Variants in SEPTIN11 observed in about 807,000 individuals in gnomAD.
The protein encoded by SEPTIN11 is septin-11.
Under a neutral mutation model 51.4 loss-of-function variants are expected in SEPTIN11, and 25 were observed. The observed-to-expected ratio is 0.49, with a 90% CI of 0.35 to 0.68. The LOEUF (loss-of-function observed/expected upper bound fraction) is 0.68, where lower values mean the gene tolerates loss of function less well. Among genes scored for constraint, SEPTIN11 ranks in the 30% least tolerant of loss-of-function variants. The pLI is 0.00. For synonymous variants in SEPTIN11, 174 were observed against 184.1 expected (o/e 0.95, Z 0.44); for missense variants, 381 against 520.8 (o/e 0.73, Z 2.61).
intron 7 of SEPTIN11, among the ~76,000 whole-genome samples, chr4:77,025,035 T>A (rs950748169): frequency 1.3e-5 from 2 of 152,174 alleles, no homozygotes; most frequent in African/African-American, 2.4e-5. Flanking sequence ...AAGGATGAAC[T>A]GAAGTGTCTG....
chr4:77,038,535 AGT>A lies in SEPTIN11; in HGVS notation c.*4025_*4026del. The A allele has an allele frequency of 2.0e-6, 2 of 986,180 alleles. No individual in the cohort carries two copies. Among genetic ancestry groups the A allele is most frequent in the Non-Finnish European group, 2.4e-6 (2 of 830,150 alleles). The allele number at this position is 986,180 out of a possible 1,614,324, so 61.1% of individuals were successfully genotyped here. On this transcript the variant is annotated 3_prime_UTR_variant, in exon 10 of 10. Transcript: ENST00000264893. ...AATTTGGCATCTGTTAAGGTAGGAGAGTGGTGAACAGATAATCTATGCATATA... is the reference window on the plus strand; with the variant it reads ...AATTTGGCATCTGTTAAGGTAGGAGAGGTGAACAGATAATCTATGCATATA...
intron 3 of SEPTIN11, among the ~76,000 whole-genome samples, chr4:77,006,954 G>A (rs1332502694): frequency 6.6e-6 from 1 of 152,154 alleles, no homozygotes; most frequent in Non-Finnish European, 1.5e-5. Flanking sequence ...AGTAGACATT[G>A]TCCCGTGATA....
intron 2 of SEPTIN11, among the ~76,000 whole-genome samples, chr4:76,999,356 T>A (rs958788818): frequency 6.6e-6 from 1 of 152,204 alleles, no homozygotes; most frequent in African/African-American, 2.4e-5. Flanking sequence ...AAAAAGTAGA[T>A]CAAAATATTT....
chr4:76,989,093 G>A (rs1287658336), intron 1 of SEPTIN11, among the ~76,000 whole-genome samples: 1 of 152,136 alleles, frequency 6.6e-6, no homozygotes, highest in Non-Finnish European at 1.5e-5. Flanking sequence ...AAGAACCAGA[G>A]ACTTTGTTTA....
chr4:77,037,306 G>T lies in SEPTIN11; in HGVS notation c.*2794G>T. The T allele has an allele frequency of 2.2e-6, 2 of 889,112 alleles. No individual in the cohort carries two copies. The highest frequency in any genetic ancestry group is 2.4e-4 in the East Asian group (2 of 8,402). 55.1% of individuals were successfully genotyped at this position (889,112 alleles called of 1,614,324 possible). ...GAACTTGGGAGATGGAGGTTGCAGT[G>T]AGCCAAGATTGCACCACTGCATTCC... On this transcript the variant is annotated 3_prime_UTR_variant, in exon 10 of 10. Transcript: ENST00000264893.
In SEPTIN11 at chr4:77,037,784, G is replaced by A; in HGVS notation, c.*3272G>A. 1 of 985,804 alleles carries A rather than the reference G, an allele frequency of 1.0e-6. No individual in the cohort carries two copies. Among genetic ancestry groups the A allele is most frequent in the South Asian group, 4.7e-5 (1 of 21,286 alleles). 61.1% of individuals were successfully genotyped at this position (985,804 alleles called of 1,614,324 possible). A position where few individuals can be genotyped will look rare whatever the true frequency, so the allele number is the denominator to read the frequency against. On this transcript the variant is annotated 3_prime_UTR_variant, in exon 10 of 10. Transcript: ENST00000264893. ...GTTCAGATTGTGTTTTCCCAACTTAGGCTCTTTATTAATTGGTTAAGGTTT... is the reference window on the plus strand; with the variant it reads ...GTTCAGATTGTGTTTTCCCAACTTAAGCTCTTTATTAATTGGTTAAGGTTT...
At chr4:77,028,042 T>C (rs979816218) in intron 7 of SEPTIN11, among the ~76,000 whole-genome samples, 3 of 152,160 alleles carry the variant, frequency 2.0e-5, no homozygotes, top group African/African-American at 7.2e-5. Context: ...ATTTTCCACA[T>C]TGGGGGCTGG....
intron 1 of SEPTIN11, among the ~76,000 whole-genome samples, chr4:76,978,886 A>C (rs1722626756): frequency 6.6e-6 from 1 of 152,136 alleles, no homozygotes; most frequent in Non-Finnish European, 1.5e-5. Context: ...TGGAGTATTG[A>C]CATCCCTTTT....
intron 1 of SEPTIN11, among the ~76,000 whole-genome samples, chr4:76,989,105 A>G (rs912454940): frequency 2.6e-5 from 4 of 152,248 alleles, no homozygotes; most frequent in African/African-American, 9.6e-5. Context: ...CTTTGTTTAG[A>G]GGTAATTTGA....
chr4:77,027,673 T>A (rs1043752868), intron 7 of SEPTIN11, among the ~76,000 whole-genome samples: 1 of 152,216 alleles, frequency 6.6e-6, no homozygotes, highest in African/African-American at 2.4e-5. Context: ...ATGGTTAATA[T>A]ACAACAATTG....
rs1455484896 is a variant in SEPTIN11 at position 77,031,025 on chromosome 4, C to T, written c.1274+55C>T. The T allele has an allele frequency of 4.7e-6, 7 of 1,477,738 alleles. No homozygotes were observed. In the African/African-American group the frequency reaches 8.6e-5, roughly 18 times the overall value. The allele number at this position is 1,477,738 out of a possible 1,614,324, so 91.5% of individuals were successfully genotyped here. On this transcript the variant is annotated intron_variant, in intron 9 of 9. Coordinates refer to ENST00000264893, the MANE Select transcript of SEPTIN11 (RefSeq NM_018243.4). ...GACCTCTAACAATTTATTCCTCTTG[C>T]ATGTCTCTACTTTTCCCATTTACAG...
intron 1 of SEPTIN11, among the ~76,000 whole-genome samples, chr4:76,970,699 A>G (rs1033447405): frequency 1.3e-5 from 2 of 152,238 alleles, no homozygotes; most frequent in Non-Finnish European, 2.9e-5. Flanking sequence ...TGGATTGGAC[A>G]GAGTGTAATA....
chr4:77,025,638 T>A (rs1726071673), intron 7 of SEPTIN11, among the ~76,000 whole-genome samples: 1 of 152,064 alleles, frequency 6.6e-6, no homozygotes, highest in Admixed American at 6.5e-5. Flanking sequence ...GAAATATTAG[T>A]GAGGGCTTGT....
chr4:76,969,044 T>C (rs1223704255), intron 1 of SEPTIN11, among the ~76,000 whole-genome samples: 1 of 152,204 alleles, frequency 6.6e-6, no homozygotes, highest in African/African-American at 2.4e-5. Context: ...TCCCACATGT[T>C]ATGTTTGGCT....
In SEPTIN11 at chr4:76,996,382, C is replaced by A. The variant is rs10006616; in HGVS notation, c.28-43C>A. 2.4e-3 allele frequency: 3,104 copies of A among 1,310,824 alleles called. 51 individuals carry two copies. In the African/African-American group the frequency reaches 0.037, roughly 16 times the overall value. 81.2% of individuals were successfully genotyped at this position (1,310,824 alleles called of 1,614,324 possible). On this transcript the variant is annotated intron_variant, in intron 1 of 9. Coordinates refer to ENST00000264893, the MANE Select transcript of SEPTIN11 (RefSeq NM_018243.4). ...TTTGTGATATGTGATATCCAGGTGG[C>A]ATGGTTCATGGACACTCAAATCTTT...
Position 77,036,216 on chromosome 4 carries a change from A to G in SEPTIN11, c.*1704A>G. ...GGAATAGAAACTACACACTAGACAC[A>G]GCAGTAGTCATAGTCTTCACAGGTT... On this transcript the variant is annotated 3_prime_UTR_variant, in exon 10 of 10. Transcript: ENST00000264893. 1 of 998,664 alleles carries G rather than the reference A, an allele frequency of 1.0e-6. No homozygotes were observed. 61.9% of individuals were successfully genotyped at this position (998,664 alleles called of 1,614,324 possible).
In SEPTIN11 at chr4:77,019,209, G is replaced by A. The variant is rs775017065; in HGVS notation, c.732G>A (p.Lys244=). The change falls in exon 6 of 10, where the codon AAG becomes AAA. Residue 244 remains lysine, a synonymous_variant. Transcript: ENST00000264893. ...FAVVGSTEEV[K]IGNKMAKARQ... ...TGGTTGGCAGCACCGAAGAGGTGAA[G>A]ATTGGCAACAAGATGGCAAAGGCCA... is the stretch of plus-strand genomic sequence containing the variant. 7.4e-6 allele frequency: 12 copies of A among 1,613,806 alleles called. No individual in the cohort carries two copies. The Admixed American group carries it at 1.8e-4, about 25-fold the overall frequency.
chr4:76,951,687 G>A (rs1721356923), intron 1 of SEPTIN11, among the ~76,000 whole-genome samples: 1 of 152,214 alleles, frequency 6.6e-6, no homozygotes, highest in Admixed American at 6.5e-5. Context: ...TATTGCTGGT[G>A]CATTCTTGAG....
At chr4:76,999,624 C>T (rs550337592) in intron 2 of SEPTIN11, among the ~76,000 whole-genome samples, 3 of 152,150 alleles carry the variant, frequency 2.0e-5, no homozygotes, top group East Asian at 1.9e-4. Flanking sequence ...TGTTTTGTGG[C>T]GTGAACCTGT....
Sources: allele counts gnomAD v4.1 joint callset (sites outside exome capture counted in the v4.1 genomes callset), GRCh38; gene constraint gnomAD v4.1.1; transcripts MANE v1.5; gene names NCBI Gene and HGNC (gene_info 2026-07-23, HGNC 2026-07-21).